CCDC85A: variants seen among roughly 807,000 people sequenced by gnomAD.
The protein encoded by CCDC85A is coiled-coil domain-containing protein 85A.
A neutral mutation model predicts 50.2 loss-of-function variants in CCDC85A; 38 were observed. The ratio of observed to expected loss-of-function variants is 0.76; its 90% CI spans 0.58 to 0.99. The LOEUF (loss-of-function observed/expected upper bound fraction) is 0.99. Ranked by LOEUF, CCDC85A falls within the 50% of genes least tolerant of loss-of-function variation. The probability of loss-of-function intolerance (pLI) is 0.00; values close to 1 mark genes in which losing one functional copy is unlikely to be tolerated. For synonymous variants in CCDC85A, 366 were observed against 301.4 expected, an observed-to-expected ratio of 1.21 and a Z score of -2.22; for missense variants, 820 against 742.0, an observed-to-expected ratio of 1.11 and a Z score of -1.22.
chr2:56,318,243 A>G (rs1673007602), intron 2 of CCDC85A, among the ~76,000 whole-genome samples: 1 of 151,936 alleles, frequency 6.6e-6, no homozygotes, highest in Non-Finnish European at 1.5e-5. Flanking sequence ...ATGGCCTGTG[A>G]CACTCTGCGT....
At chr2:56,240,036 C>G (rs750794516) in intron 2 of CCDC85A, among the ~76,000 whole-genome samples, 16 of 151,968 alleles carry the variant, frequency 1.1e-4, no homozygotes, top group Non-Finnish European at 2.2e-4. Flanking sequence ...ATGCATATAT[C>G]CTAAAATTCA....
chr2:56,209,740 A>G (rs1314027545), intron 2 of CCDC85A, among the ~76,000 whole-genome samples: 1 of 152,070 alleles, frequency 6.6e-6, no homozygotes, highest in African/African-American at 2.4e-5. Context: ...GGTAAGATCA[A>G]TCATTTGTTG....
intron 2 of CCDC85A, among the ~76,000 whole-genome samples, chr2:56,242,633 C>G (rs1344114887): frequency 6.6e-6 from 1 of 152,146 alleles, no homozygotes; most frequent in Non-Finnish European, 1.5e-5. Flanking sequence ...AATTACAATT[C>G]AACATAAAAT....
chr2:56,189,295 G>GTATTTTTTTTT (rs773078371), intron 1 of CCDC85A, among the ~76,000 whole-genome samples: 46 of 100,450 alleles, frequency 4.6e-4, no homozygotes, highest in African/African-American at 8.0e-4. Flanking sequence ...GGTATTTTTG[G>GTATTTTTTTTT]TGTTTTTTTT....
intron 3 of CCDC85A, 111 bp from the exon 4 acceptor site, chr2:56,372,233 C>T: frequency 2.8e-6 from 3 of 1,063,084 alleles, no homozygotes; most frequent in South Asian, 2.7e-5. Context: ...TACAGCTTGC[C>T]ATTGTGGTCA....
chr2:56,362,990 G>A (rs983067426), intron 3 of CCDC85A, among the ~76,000 whole-genome samples: 2 of 152,032 alleles, frequency 1.3e-5, no homozygotes, highest in Non-Finnish European at 1.5e-5. Flanking sequence ...GACTGACTTT[G>A]CAAAGATGTT....
chr2:56,307,588 T>C (rs1672501433), intron 2 of CCDC85A, among the ~76,000 whole-genome samples: 2 of 152,338 alleles, frequency 1.3e-5, no homozygotes, highest in Middle Eastern at 3.4e-3. Context: ...ATTGAATGTT[T>C]ATTTTGTGGC....
intron 2 of CCDC85A, among the ~76,000 whole-genome samples, chr2:56,331,428 G>C (rs1359128951): frequency 6.6e-6 from 1 of 151,966 alleles, no homozygotes; most frequent in Non-Finnish European, 1.5e-5. Flanking sequence ...TTACTTAATG[G>C]GTACAATGTA....
rs544583783 is a variant in CCDC85A at position 56,337,945 on chromosome 2, C to T, written c.1241-4934C>T. Among the ~76,000 whole-genome samples, 361 of 151,828 alleles carry T rather than the reference C, an allele frequency of 2.4e-3. 1 individual carries two copies. Among genetic ancestry groups the T allele is most frequent in the Middle Eastern group, 6.8e-3 (2 of 294 alleles). Reference sequence around the variant, plus strand: ...GATTACAGGCAGCTGCCACCATGCCCGGCTAATTTTTGTATTTTTAGTGGA... The same window carrying T: ...GATTACAGGCAGCTGCCACCATGCCTGGCTAATTTTTGTATTTTTAGTGGA... On this transcript the variant is annotated intron_variant, in intron 2 of 5. Transcript: ENST00000407595.
intron 4 of CCDC85A, among the ~76,000 whole-genome samples, chr2:56,374,189 G>A (rs139431849): frequency 6.6e-5 from 10 of 152,210 alleles, no homozygotes; most frequent in African/African-American, 1.4e-4. Flanking sequence ...AGGAAGCCAC[G>A]TACATGCCAT....
intron 3 of CCDC85A, among the ~76,000 whole-genome samples, chr2:56,351,065 A>G (rs1290048440): frequency 1.8e-5 from 2 of 109,058 alleles, no homozygotes; most frequent in African/African-American, 3.7e-5. Flanking sequence ...ATGTGTTCTC[A>G]TTGTTCAATT....
intron 3 of CCDC85A, among the ~76,000 whole-genome samples, chr2:56,368,350 C>G (rs746148936): frequency 1.7e-4 from 26 of 152,070 alleles, no homozygotes; most frequent in Non-Finnish European, 1.5e-5. Context: ...CCAAGGTGAC[C>G]TTTAAAATCT....
chr2:56,340,870 C>G (rs944486453), intron 2 of CCDC85A, among the ~76,000 whole-genome samples: 5 of 117,466 alleles, frequency 4.3e-5, no homozygotes, highest in African/African-American at 1.7e-4. Flanking sequence ...CAGTGAAACT[C>G]CATCTCAAAA....
intron 2 of CCDC85A, among the ~76,000 whole-genome samples, chr2:56,293,452 T>C (rs1323699857): frequency 6.6e-6 from 1 of 152,088 alleles, no homozygotes; most frequent in Non-Finnish European, 1.5e-5. Context: ...CAAAAGCAAT[T>C]GTAACAAAAG....
chr2:56,307,587 T>A (rs1223868026), intron 2 of CCDC85A, among the ~76,000 whole-genome samples: 1 of 152,228 alleles, frequency 6.6e-6, no homozygotes, highest in African/African-American at 2.4e-5. Flanking sequence ...AATTGAATGT[T>A]TATTTTGTGG....
intron 2 of CCDC85A, among the ~76,000 whole-genome samples, chr2:56,251,963 G>A (rs868857538): frequency 1.7e-4 from 25 of 150,538 alleles, no homozygotes; most frequent in Admixed American, 2.6e-4. Context: ...CAGGTTTGTC[G>A]GATAGTCTGT....
chr2:56,201,261 T>A (rs1676737200), intron 2 of CCDC85A, among the ~76,000 whole-genome samples: 1 of 152,182 alleles, frequency 6.6e-6, no homozygotes, highest in Non-Finnish European at 1.5e-5. Flanking sequence ...AGTAAGTCCT[T>A]TAAAAATTTT....
chr2:56,354,870 A>G (rs1390458253), intron 3 of CCDC85A, among the ~76,000 whole-genome samples: 3 of 152,212 alleles, frequency 2.0e-5, no homozygotes, highest in South Asian at 2.1e-4. Context: ...TCAATAATCA[A>G]TGGAGTCTTT....
intron 2 of CCDC85A, among the ~76,000 whole-genome samples, chr2:56,209,420 C>CTTTT (rs11407205): frequency 3.5e-5 from 5 of 141,086 alleles, no homozygotes; most frequent in Non-Finnish European, 3.1e-5. Context: ...AAGTCTGTTC[C>CTTTT]TTTTTTTTTT....
Sources: allele counts gnomAD v4.1 joint callset (sites outside exome capture counted in the v4.1 genomes callset), GRCh38; gene constraint gnomAD v4.1.1; transcripts MANE v1.5; gene names NCBI Gene and HGNC (gene_info 2026-07-23, HGNC 2026-07-21).